Variants in NCKAP1L observed in about 807,000 individuals in gnomAD.
The protein encoded by NCKAP1L is nck-associated protein 1-like.
A neutral mutation model predicts 139.2 loss-of-function variants in NCKAP1L; 53 were observed. That is an observed-to-expected ratio of 0.38 (90% CI 0.31 to 0.48). The LOEUF (loss-of-function observed/expected upper bound fraction) is 0.48. Ranked by LOEUF, NCKAP1L falls within the 20% of genes least tolerant of loss-of-function variation. NCKAP1L has a pLI of 0.98. For missense variants in NCKAP1L, 1,151 were observed against 1,381.9 expected (o/e 0.83, Z 2.65); for synonymous variants, 468 against 499.7 (o/e 0.94, Z 0.85).
chr12:54,532,282 G>A, intron 26 of NCKAP1L, 32 bp downstream of exon 26: 1 of 1,560,870 alleles, frequency 6.4e-7, no homozygotes, highest in Non-Finnish European at 8.8e-7. Flanking sequence ...AATCTAATTA[G>A]GAGACTTTTG....
At chr12:54,513,809 A>G (rs1434236560) in intron 9 of NCKAP1L, among the ~76,000 whole-genome samples, 1 of 152,188 alleles carries the variant, frequency 6.6e-6, no homozygotes, top group Non-Finnish European at 1.5e-5. Flanking sequence ...AGGGAAGAAT[A>G]GAGAGAGGTA....
intron 9 of NCKAP1L, chr12:54,512,367 G>A (rs1044696246): frequency 3.2e-6 from 1 of 309,512 alleles, no homozygotes; most frequent in Non-Finnish European, 6.1e-6. Flanking sequence ...TCTACCACTA[G>A]TTGTGTGGCC....
chr12:54,503,785 C>T (rs542788098), intron 3 of NCKAP1L, among the ~76,000 whole-genome samples: 50 of 151,754 alleles, frequency 3.3e-4, no homozygotes, highest in African/African-American at 1.2e-3. Flanking sequence ...ATTACAGGCA[C>T]GTGCCACCAC....
Position 54,546,396 on chromosome 12 carries a change from G to C in NCKAP1L, c.*3711G>C, listed in dbSNP as rs1957197865. 6.7e-6 allele frequency: 1 copy of C among 150,230 alleles called. No homozygotes were observed. The highest frequency in any genetic ancestry group is 6.6e-5 in the Admixed American group (1 of 15,088). 9.3% of individuals were successfully genotyped at this position (150,230 alleles called of 1,614,324 possible). ...AAAAAAAAAAAATGCAGAAGGTCCAGGGCCTGGCCAAGGGGATGATGCCCT... is the reference window on the plus strand; with the variant it reads ...AAAAAAAAAAAATGCAGAAGGTCCACGGCCTGGCCAAGGGGATGATGCCCT... On this transcript the variant is annotated 3_prime_UTR_variant, in exon 31 of 31. Transcript: ENST00000293373.
At chr12:54,514,400 T>C (rs896542977) in intron 9 of NCKAP1L, among the ~76,000 whole-genome samples, 2 of 152,012 alleles carry the variant, frequency 1.3e-5, no homozygotes, top group African/African-American at 2.4e-5. Flanking sequence ...TGGTTCACTG[T>C]AACCTCCACC....
chr12:54,499,208 G>A, intron 1 of NCKAP1L, 147 bp from the exon 2 acceptor site: 6 of 554,254 alleles, frequency 1.1e-5, no homozygotes, highest in South Asian at 6.4e-5. Flanking sequence ...ACAGGTGTGA[G>A]CCGCTGCGCC....
intron 30 of NCKAP1L, 44 bp downstream of exon 30, chr12:54,539,017 G>A: frequency 1.3e-6 from 2 of 1,545,348 alleles, no homozygotes; most frequent in Non-Finnish European, 1.8e-6. Context: ...GGAATGGAAG[G>A]GCCAGAGGGA....
chr12:54,512,063 A>C lies in NCKAP1L; in HGVS notation c.899A>C (p.Gln300Pro). Residue 300 changes from glutamine to proline, a missense_variant, in exon 9 of 31, where the codon CAG becomes CCG. Transcript: ENST00000293373. ...YITLIREDVLQVHKVTEDLFS... is the reference protein window; with the variant it reads ...YITLIREDVLPVHKVTEDLFS... ...ACCCTTATCCGTGAGGATGTGCTGC[A>C]GGTGCACAAAGTCACCGAGGACCTG... 6.2e-7 allele frequency: 1 copy of C among 1,614,182 alleles called. No individual in the cohort carries two copies. The highest frequency in any genetic ancestry group is 1.1e-5 in the South Asian group (1 of 91,088).
intron 9 of NCKAP1L, among the ~76,000 whole-genome samples, chr12:54,513,558 A>G (rs890645951): frequency 1.3e-5 from 2 of 152,192 alleles, no homozygotes; most frequent in African/African-American, 4.8e-5. Context: ...GAAGAGGGAA[A>G]AGAGAAGCCA....
chr12:54,530,805 A>G (rs982400116), intron 22 of NCKAP1L, among the ~76,000 whole-genome samples: 5 of 152,226 alleles, frequency 3.3e-5, no homozygotes, highest in African/African-American at 7.2e-5. Flanking sequence ...CAAAGTTTTT[A>G]TAATGTATCT....
intron 3 of NCKAP1L, among the ~76,000 whole-genome samples, chr12:54,502,722 C>T (rs1333470583): frequency 6.7e-6 from 1 of 150,002 alleles, no homozygotes; most frequent in Non-Finnish European, 1.5e-5. Context: ...TGCTGTGGCT[C>T]ACGCCTGTAA....
chr12:54,542,454 G>A (rs1957165461), intron 30 of NCKAP1L, 121 bp from the exon 31 acceptor site: 1 of 740,358 alleles, frequency 1.4e-6, no homozygotes. Flanking sequence ...GTGTGATTTG[G>A]AACCCTGTTC....
At position 54,521,886 on chromosome 12, in the gene NCKAP1L, ATGTG is replaced by A. The variant is rs34410189; in HGVS notation, c.1878+674_1878+677del. Among the ~76,000 whole-genome samples, 519 of 147,276 alleles carry A rather than the reference ATGTG, an allele frequency of 3.5e-3. 1 individual carries two copies. Among genetic ancestry groups the A allele is most frequent in the African/African-American group, 0.011 (430 of 39,912 alleles). ...AGGCTTGGTAAAGGGGAGTGTGTGT[ATGTG>A]TGTGTGTGTGTGTGTGTGTGTGTGT... On this transcript the variant is annotated intron_variant, in intron 18 of 30. Coordinates refer to ENST00000293373, the MANE Select transcript of NCKAP1L (RefSeq NM_005337.5).
Position 54,523,945 on chromosome 12 carries a change from C to A in NCKAP1L, c.2145C>A (p.Ala715=). The change falls in exon 20 of 31, where the codon GCC becomes GCA. Residue 715 remains alanine, a synonymous_variant. Transcript: ENST00000293373. ...AGTACCTCAGCAGCCACCTGGAGGC[C>A]AGACTCAACAGGTATCACTCTTTCC... ...PSEYLSSHLE[A]RLNRAIVWLA... The A allele has an allele frequency of 6.2e-7, 1 of 1,613,698 alleles. No homozygotes were observed. The highest frequency in any genetic ancestry group is 8.5e-7 in the Non-Finnish European group (1 of 1,179,788).
intron 1 of NCKAP1L, 104 bp from the exon 2 acceptor site, chr12:54,499,251 G>T: frequency 1.4e-6 from 1 of 694,410 alleles, no homozygotes; most frequent in South Asian, 1.7e-5. Flanking sequence ...TAGTTCCCAG[G>T]TTGCCTTTTC....
chr12:54,511,953 G>A lies in NCKAP1L; in HGVS notation c.789G>A (p.Gly263=). The A allele has an allele frequency of 6.2e-7, 1 of 1,614,182 alleles. No individual in the cohort carries two copies. Among genetic ancestry groups the A allele is most frequent in the Non-Finnish European group, 8.5e-7 (1 of 1,180,012 alleles). ...VEVMERWIII[G]FLLCHGCLNS... ...GCACTGTTTTCCCACCTACAGTTGG[G>A]TTTCTTCTTTGTCATGGGTGCCTCA... Residue 263 remains glycine (G), a synonymous_variant, in exon 9 of 31, where the codon GGG becomes GGA. Coordinates refer to ENST00000293373, the MANE Select transcript of NCKAP1L (RefSeq NM_005337.5).
chr12:54,518,819 G>A (rs1956955634), intron 14 of NCKAP1L, 87 bp downstream of exon 14: 1 of 1,515,202 alleles, frequency 6.6e-7, no homozygotes. Context: ...CCAGGAAGTA[G>A]GACAAGATGT....
rs1957175425 is a variant in NCKAP1L, at chr12:54,543,440, C to T, written c.*755C>T. 1 of 152,186 alleles carries T rather than the reference C, an allele frequency of 6.6e-6. No homozygotes were observed. The highest frequency in any genetic ancestry group is 2.4e-5 in the African/African-American group (1 of 41,450). 9.4% of individuals were successfully genotyped at this position (152,186 alleles called of 1,614,324 possible). A position where few individuals can be genotyped will look rare whatever the true frequency, so the allele number is the denominator to read the frequency against. On this transcript the variant is annotated 3_prime_UTR_variant, in exon 31 of 31. Transcript: ENST00000293373. ...AACCCAGAGCAGAGGGTCAGTTAGTCTCCGTCAATTCTAGGTTACATGACA... is the reference window on the plus strand; with the variant it reads ...AACCCAGAGCAGAGGGTCAGTTAGTTTCCGTCAATTCTAGGTTACATGACA...
At position 54,547,952 on chromosome 12, in the gene NCKAP1L, C is replaced by T. The variant is rs953147112; in HGVS notation, c.*5267C>T. On this transcript the variant is annotated 3_prime_UTR_variant, in exon 31 of 31. Coordinates refer to ENST00000293373, the MANE Select transcript of NCKAP1L (RefSeq NM_005337.5). ...TTATTATTTCCACTTTTTTCTCCAT[C>T]TCTGACTCTGCCATCTCTTTCTGCC... is the stretch of plus-strand genomic sequence containing the variant. 6.6e-6 allele frequency: 1 copy of T among 152,202 alleles called. No individual in the cohort carries two copies. Among genetic ancestry groups the T allele is most frequent in the East Asian group, 1.9e-4 (1 of 5,194 alleles). The allele number at this position is 152,202 out of a possible 1,614,324, so 9.4% of individuals were successfully genotyped here. A position where few individuals can be genotyped will look rare whatever the true frequency, so the allele number is the denominator to read the frequency against.
Sources: allele counts gnomAD v4.1 joint callset (sites outside exome capture counted in the v4.1 genomes callset), GRCh38; gene constraint gnomAD v4.1.1; transcripts MANE v1.5; gene names NCBI Gene and HGNC (gene_info 2026-07-23, HGNC 2026-07-21).